The following SLC1A7 variants were observed in gnomAD, a reference collection of about 807,000 sequenced individuals.
The protein encoded by SLC1A7 is solute carrier family 1 member 7, also known as excitatory amino acid transporter 5.
Under a neutral mutation model 47.7 loss-of-function variants are expected in SLC1A7, and 40 were observed. The observed-to-expected ratio is 0.84, with a 90% CI of 0.65 to 1.09. SLC1A7 has a LOEUF of 1.09. SLC1A7 is among the 50% of genes least tolerant of loss of function. The probability of loss-of-function intolerance (pLI) is 0.00; values close to 1 mark genes in which losing one functional copy is unlikely to be tolerated. For missense variants in SLC1A7, 746 were observed against 769.5 expected (o/e 0.97, Z 0.36); for synonymous variants, 323 against 325.6 (o/e 0.99, Z 0.09).
chr1:53,090,884 C>T, intron 7 of SLC1A7, 78 bp from the exon 8 acceptor site: 2 of 1,551,210 alleles, frequency 1.3e-6, no homozygotes, highest in Non-Finnish European at 1.7e-6. Context: ...GCTCACCCCT[C>T]CCCAGGCAGC....
At position 53,093,708 on chromosome 1, in the gene SLC1A7, C is replaced by A; in HGVS notation, c.698-148G>T. 3 of 617,596 alleles carry A rather than the reference C, an allele frequency of 4.9e-6. No homozygotes were observed. In the South Asian group the frequency reaches 5.7e-5, roughly 12 times the overall value. 38.3% of individuals were successfully genotyped at this position (617,596 alleles called of 1,614,324 possible). ...CTCTCTCTCCCTCTCTCCTCCTCCA[C>A]TCTACTACCGATCCCACAGTGCTCT... On this transcript the variant is annotated intron_variant, in intron 5 of 10. Transcript: ENST00000371494.
chr1:53,107,700 T>C lies in SLC1A7; in HGVS notation c.432-1926A>G, dbSNP rs1644659269. 2.6e-5 allele frequency among the ~76,000 whole-genome samples: 4 copies of C among 152,224 alleles called. No homozygotes were observed. In the South Asian group the frequency reaches 8.3e-4, roughly 32 times the overall value. Reference sequence around the variant, plus strand: ...CTTTTACAAATCTTGGCCTGGTTTCTACCTTCACTATCTCCTCTCATCAGA... The same window carrying C: ...CTTTTACAAATCTTGGCCTGGTTTCCACCTTCACTATCTCCTCTCATCAGA... On this transcript the variant is annotated intron_variant, in intron 3 of 10. Transcript: ENST00000371494.
chr1:53,089,880 G>A lies in SLC1A7; in HGVS notation c.1281C>T (p.Leu427=), dbSNP rs1297919073. ...IGAAGIPQAG[L]VTMVIVLTSV... ...AGGTGAGCACGATGACCATGGTGAC[G>A]AGGCCGGCCTGGGGGATGCCAGCTG... The change falls in exon 9 of 11, where the codon CTC becomes CTT. Residue 427 remains leucine, a synonymous_variant. Transcript: ENST00000371494. 7.4e-6 allele frequency: 12 copies of A among 1,613,764 alleles called. No homozygotes were observed. Among genetic ancestry groups the A allele is most frequent in the South Asian group, 2.2e-5 (2 of 91,088 alleles).
intron 3 of SLC1A7, among the ~76,000 whole-genome samples, chr1:53,111,863 C>T (rs981325622): frequency 6.6e-6 from 1 of 152,176 alleles, no homozygotes; most frequent in Non-Finnish European, 1.5e-5. Context: ...ACAGAACAGA[C>T]CCTGCCTGGA....
intron 4 of SLC1A7, among the ~76,000 whole-genome samples, chr1:53,104,442 T>A (rs1186816500): frequency 6.6e-6 from 1 of 152,190 alleles, no homozygotes; most frequent in Admixed American, 6.5e-5. Context: ...AGTGACTAAT[T>A]GGCTGAAAGA....
chr1:53,126,368 T>C (rs1303859783), intron 2 of SLC1A7, among the ~76,000 whole-genome samples: 1 of 152,172 alleles, frequency 6.6e-6, no homozygotes, highest in Non-Finnish European at 1.5e-5. Context: ...CACATGTAAT[T>C]GAATTCACTT....
intron 2 of SLC1A7, among the ~76,000 whole-genome samples, chr1:53,130,538 A>C (rs1200682286): frequency 7.3e-6 from 1 of 136,398 alleles, no homozygotes; most frequent in East Asian, 2.3e-4. Context: ...GACACACTGC[A>C]GAAAACCCTT....
At chr1:53,134,497 A>T in intron 1 of SLC1A7, 68 bp from the exon 2 acceptor site, 1 of 1,020,612 alleles carries the variant, frequency 9.8e-7, no homozygotes, top group Non-Finnish European at 1.5e-6. Context: ...CGTTCTTCAC[A>T]GTCTTTGAAG....
intron 2 of SLC1A7, among the ~76,000 whole-genome samples, chr1:53,125,674 G>T (rs987209042): frequency 6.6e-6 from 1 of 152,186 alleles, no homozygotes; most frequent in African/African-American, 2.4e-5. Flanking sequence ...GAGCACTTCG[G>T]GGGGACCTAG....
chr1:53,094,750 C>A (rs1156381033), intron 5 of SLC1A7, among the ~76,000 whole-genome samples: 1 of 152,214 alleles, frequency 6.6e-6, no homozygotes, highest in Non-Finnish European at 1.5e-5. Flanking sequence ...GGCTCCACCA[C>A]CACCACGCAC....
intron 5 of SLC1A7, among the ~76,000 whole-genome samples, chr1:53,095,810 T>C (rs955822678): frequency 7.2e-6 from 1 of 138,466 alleles, no homozygotes; most frequent in African/African-American, 2.8e-5. Flanking sequence ...CACCCCGACT[T>C]GGTACACTCA....
rs1644377098 is a variant in SLC1A7 at position 53,087,936 on chromosome 1, G to A, written c.*73C>T. 1.1e-6 allele frequency: 1 copy of A among 894,210 alleles called. No individual in the cohort carries two copies. Among genetic ancestry groups the A allele is most frequent in the Non-Finnish European group, 1.6e-6 (1 of 610,598 alleles). 55.4% of individuals were successfully genotyped at this position (894,210 alleles called of 1,614,324 possible). A position where few individuals can be genotyped will look rare whatever the true frequency, so the allele number is the denominator to read the frequency against. Reference sequence around the variant, plus strand: ...CCTGGCCCCTGCCGGCTGCTCAGGAGGGTTGGAGAGTCGAGTTCCTGCCTC... The same window carrying A: ...CCTGGCCCCTGCCGGCTGCTCAGGAAGGTTGGAGAGTCGAGTTCCTGCCTC... On this transcript the variant is annotated 3_prime_UTR_variant, in exon 11 of 11. Coordinates refer to ENST00000371494, the MANE Select transcript of SLC1A7 (RefSeq NM_006671.6).
intron 5 of SLC1A7, among the ~76,000 whole-genome samples, chr1:53,094,673 G>A (rs1005353639): frequency 7.2e-5 from 11 of 152,172 alleles, no homozygotes; most frequent in Non-Finnish European, 1.3e-4. Flanking sequence ...GGCCTACCCC[G>A]CCCGCCTGTC....
At chr1:53,105,017 T>C (rs996269355) in intron 4 of SLC1A7, among the ~76,000 whole-genome samples, 3 of 152,182 alleles carry the variant, frequency 2.0e-5, no homozygotes, top group African/African-American at 7.2e-5. Context: ...CATTGTACTT[T>C]TAAGAAATAT....
chr1:53,113,908 A>C (rs1482673540), intron 3 of SLC1A7, among the ~76,000 whole-genome samples: 3 of 151,728 alleles, frequency 2.0e-5, no homozygotes, highest in African/African-American at 7.3e-5. Flanking sequence ...TCGCACAGCT[A>C]TCGCCCCCAG....
At chr1:53,119,812 G>C (rs533521122) in intron 2 of SLC1A7, among the ~76,000 whole-genome samples, 172 of 152,336 alleles carry the variant, frequency 1.1e-3, no homozygotes, top group African/African-American at 3.9e-3. Context: ...TGAGATGCTA[G>C]ATGGAGGCTT....
intron 2 of SLC1A7, among the ~76,000 whole-genome samples, chr1:53,120,628 T>A (rs1478906497): frequency 4.6e-5 from 7 of 152,302 alleles, no homozygotes; most frequent in African/African-American, 1.4e-4. Context: ...AGCTTAGACA[T>A]CACTGCCTCT....
intron 1 of SLC1A7, among the ~76,000 whole-genome samples, chr1:53,139,633 G>A (rs1355528929): frequency 6.6e-6 from 1 of 152,184 alleles, no homozygotes; most frequent in African/African-American, 2.4e-5. Flanking sequence ...GCTCTGTTAC[G>A]TTCTGGAGTC....
At chr1:53,125,099 T>C (rs1644867976) in intron 2 of SLC1A7, among the ~76,000 whole-genome samples, 3 of 152,080 alleles carry the variant, frequency 2.0e-5, no homozygotes, top group Admixed American at 2.0e-4. Context: ...AAAGATATAA[T>C]TGGCATGGCG....
Sources: allele counts gnomAD v4.1 joint callset (sites outside exome capture counted in the v4.1 genomes callset), GRCh38; gene constraint gnomAD v4.1.1; transcripts MANE v1.5; gene names NCBI Gene and HGNC (gene_info 2026-07-23, HGNC 2026-07-21).